DDAH1: variants seen among roughly 807,000 people sequenced by gnomAD.
DDAH1 encodes the protein dimethylarginine dimethylaminohydrolase 1, also known as N(G),N(G)-dimethylarginine dimethylaminohydrolase 1.
In DDAH1, 19 loss-of-function variants were observed where a neutral mutation model predicts 28.8. The observed-to-expected ratio is 0.66, with a 90% CI of 0.46 to 0.97. The LOEUF (loss-of-function observed/expected upper bound fraction) is 0.97, where lower values mean the gene tolerates loss of function less well. Ranked by LOEUF, DDAH1 falls within the 50% of genes least tolerant of loss-of-function variation. The probability of loss-of-function intolerance (pLI) is 0.00; values close to 1 mark genes in which losing one functional copy is unlikely to be tolerated. For missense variants in DDAH1, 326 were observed against 375.9 expected, an observed-to-expected ratio of 0.87 and a Z score of 1.10; for synonymous variants, 153 against 154.4, an observed-to-expected ratio of 0.99 and a Z score of 0.07.
At chr1:85,552,014 A>G (rs1658806666) in intron 1 of DDAH1, among the ~76,000 whole-genome samples, 1 of 152,212 alleles carries the variant, frequency 6.6e-6, no homozygotes, top group African/African-American at 2.4e-5. Flanking sequence ...TCACTGGGAA[A>G]GGGGTGCGAG....
chr1:85,475,333 GGGA>G (rs1268314925), intron 2 of DDAH1, among the ~76,000 whole-genome samples: 1 of 152,192 alleles, frequency 6.6e-6, no homozygotes, highest in Non-Finnish European at 1.5e-5. Context: ...GAGGAGAAGG[GGGA>G]GGAGGAGGGA....
At chr1:85,432,566 C>T (rs1386638224) in intron 1 of DDAH1, among the ~76,000 whole-genome samples, 4 of 152,162 alleles carry the variant, frequency 2.6e-5, no homozygotes, top group African/African-American at 9.7e-5. Flanking sequence ...TGAAAGAACA[C>T]CACATCCCTT....
At chr1:85,515,032 C>CACACACAT (rs1553144275) in intron 1 of DDAH1, among the ~76,000 whole-genome samples, 1 of 149,848 alleles carries the variant, frequency 6.7e-6, no homozygotes, top group Non-Finnish European at 1.5e-5. Context: ...CACACACACA[C>CACACACAT]ATATATGTTT....
chr1:85,505,150 T>G (rs1656969951), intron 1 of DDAH1, among the ~76,000 whole-genome samples: 1 of 151,858 alleles, frequency 6.6e-6, no homozygotes, highest in East Asian at 1.9e-4. Flanking sequence ...CATGCCCGGC[T>G]GATTTTTTTT....
intron 1 of DDAH1, among the ~76,000 whole-genome samples, chr1:85,460,462 CT>C (rs1262766236): frequency 6.6e-6 from 1 of 152,140 alleles, no homozygotes; most frequent in Non-Finnish European, 1.5e-5. Flanking sequence ...GCTATTATCA[CT>C]TTGTAAGAAT....
chr1:85,518,106 T>C (rs1570633181), intron 1 of DDAH1, among the ~76,000 whole-genome samples: 1 of 152,216 alleles, frequency 6.6e-6, no homozygotes, highest in South Asian at 2.1e-4. Flanking sequence ...GAAAGCCACC[T>C]AATGCCCACC....
rs539448618 is a variant in DDAH1, at chr1:85,443,401, C to A, written c.303+21342G>T. 7.1e-3 allele frequency among the ~76,000 whole-genome samples: 1,082 copies of A among 152,208 alleles called. 12 individuals carry two copies. The highest frequency in any genetic ancestry group is 0.025 in the African/African-American group (1,033 of 41,520). ...ATTGGTCTATATCTCTGTTTTGGTA[C>A]CAGTACCATGCTGTTTTGGTTACTG... On this transcript the variant is annotated intron_variant, in intron 1 of 5. Coordinates refer to ENST00000284031, the MANE Select transcript of DDAH1 (RefSeq NM_012137.4).
At chr1:85,471,887 T>G (rs1478610805) in intron 2 of DDAH1, among the ~76,000 whole-genome samples, 1 of 152,160 alleles carries the variant, frequency 6.6e-6, no homozygotes, top group Non-Finnish European at 1.5e-5. Flanking sequence ...TCTGTGTTCC[T>G]CTGTTGGGGC....
chr1:85,572,364 A>T (rs1172244643), intron 1 of DDAH1, among the ~76,000 whole-genome samples: 1 of 152,148 alleles, frequency 6.6e-6, no homozygotes, highest in East Asian at 1.9e-4. Context: ...AGTTGCAGGC[A>T]ACTTCCTGAA....
At chr1:85,545,075 C>T (rs1395030913) in intron 1 of DDAH1, among the ~76,000 whole-genome samples, 2 of 152,144 alleles carry the variant, frequency 1.3e-5, no homozygotes, top group South Asian at 4.1e-4. Flanking sequence ...CAACAACCCC[C>T]TTGCCCTGCC....
intron 1 of DDAH1, among the ~76,000 whole-genome samples, chr1:85,421,257 A>G (rs1653129200): frequency 6.6e-6 from 1 of 152,198 alleles, no homozygotes; most frequent in Non-Finnish European, 1.5e-5. Flanking sequence ...CAAAAGAAAT[A>G]ACTTTATCAA....
chr1:85,523,439 T>G (rs1403783589), intron 1 of DDAH1, among the ~76,000 whole-genome samples: 1 of 152,180 alleles, frequency 6.6e-6, no homozygotes, highest in African/African-American at 2.4e-5. Flanking sequence ...AAAGTCTCTA[T>G]GCATTAGCAT....
intron 1 of DDAH1, among the ~76,000 whole-genome samples, chr1:85,400,187 T>TTC (rs1652011173): frequency 4.1e-5 from 4 of 98,332 alleles, no homozygotes; most frequent in African/African-American, 1.6e-4. Flanking sequence ...CTTTTTTTTT[T>TTC]TTTTTTTTTT....
At chr1:85,330,578 A>G (rs190626597) in intron 4 of DDAH1, among the ~76,000 whole-genome samples, 86 of 152,306 alleles carry the variant, frequency 5.6e-4, no homozygotes, top group Middle Eastern at 3.4e-3. Context: ...TTTCCCTAAG[A>G]GCAGATTACT....
intron 1 of DDAH1, among the ~76,000 whole-genome samples, chr1:85,554,976 C>G (rs1658919798): frequency 6.6e-6 from 1 of 152,166 alleles, no homozygotes; most frequent in Non-Finnish European, 1.5e-5. Flanking sequence ...AGTGCTAAGT[C>G]CCTTTTTAAA....
chr1:85,374,560 T>G (rs904868745), intron 1 of DDAH1, among the ~76,000 whole-genome samples: 3 of 152,108 alleles, frequency 2.0e-5, no homozygotes, highest in African/African-American at 4.8e-5. Flanking sequence ...ACAAATTTAA[T>G]GTAGAGAAAT....
At chr1:85,457,175 G>T (rs1654924956) in intron 1 of DDAH1, among the ~76,000 whole-genome samples, 1 of 152,082 alleles carries the variant, frequency 6.6e-6, no homozygotes. Flanking sequence ...AGAGGGCACG[G>T]GTGAGTTTTT....
At chr1:85,466,485 GT>G (rs1361120746), upstream of DDAH1, among the ~76,000 whole-genome samples, 8 of 152,298 alleles carry the variant, frequency 5.3e-5, 1 homozygote, top group Admixed American at 3.3e-4. Flanking sequence ...CTGACCTCAG[GT>G]GATCCACCCG....
At chr1:85,543,029 CT>C (rs1658517526) in intron 1 of DDAH1, among the ~76,000 whole-genome samples, 1 of 152,152 alleles carries the variant, frequency 6.6e-6, no homozygotes, top group Non-Finnish European at 1.5e-5. Flanking sequence ...GTCTGTTTTC[CT>C]TCAAAGTCAA....
Sources: gnomAD v4.1 joint callset for allele counts (sites outside exome capture counted in the v4.1 genomes callset) on GRCh38, gnomAD v4.1.1 for gene constraint, MANE v1.5 for transcripts, NCBI Gene and HGNC (gene_info 2026-07-23, HGNC 2026-07-21) for gene names.